Variants in GATA2 observed in about 807,000 individuals in gnomAD.
The protein encoded by GATA2 is endothelial transcription factor GATA-2.
GATA2 carries 6 observed loss-of-function variants against 35.7 expected under a neutral mutation model. The ratio of observed to expected loss-of-function variants is 0.17; its 90% CI spans 0.09 to 0.33. GATA2 has a LOEUF of 0.33. Among genes scored for constraint, GATA2 ranks in the 10% least tolerant of loss-of-function variants. The pLI is 1.00. For missense variants in GATA2, 541 were observed against 656.6 expected (o/e 0.82, Z 1.92); for synonymous variants, 313 against 274.9 (o/e 1.14, Z -1.37).
At position 128,479,646 on chromosome 3, in the gene GATA2, G is replaced by C. The variant is rs191422571; in HGVS notation, c.*1373C>G. 4.3e-6 allele frequency: 1 copy of C among 233,478 alleles called. No homozygotes were observed. The highest frequency in any genetic ancestry group is 5.6e-5 in the Admixed American group (1 of 17,786). 14.5% of individuals were successfully genotyped at this position (233,478 alleles called of 1,614,324 possible). ...AGTACAAAATAAGTTACTTCTGGCC[G>C]TGGTGCTCCCTGCAGCGACTGCCCG... On this transcript the variant is annotated 3_prime_UTR_variant, in exon 6 of 6. Coordinates refer to ENST00000341105, the MANE Select transcript of GATA2 (RefSeq NM_032638.5).
intron 5 of GATA2, 26 bp from the exon 6 acceptor site, chr3:128,481,344 G>T (rs751809653): frequency 1.9e-6 from 3 of 1,607,358 alleles, no homozygotes; most frequent in Admixed American, 3.3e-5. Context: ...AGTTTTCAGA[G>T]GGCCAGTTCC....
rs1426383629 is a variant in GATA2 at position 128,488,977 on chromosome 3, G to T, written c.-45-1901C>A. 2.0e-5 allele frequency among the ~76,000 whole-genome samples: 3 copies of T among 152,088 alleles called. No homozygotes were observed. The highest frequency in any genetic ancestry group is 4.4e-5 in the Non-Finnish European group (3 of 68,018). ...CCGAGTACTGGGGGGACTCAACAGC[G>T]TCCTCCAGCCCTCTTCCCTGTTGGG... On this transcript the variant is annotated intron_variant, in intron 1 of 5. Coordinates refer to ENST00000341105, the MANE Select transcript of GATA2 (RefSeq NM_032638.5). This position sits in a 1 kb window ranked among gnomAD's most constrained non-coding sequence, Gnocchi z 5.8.
chr3:128,481,451 T>C (rs562112146), intron 5 of GATA2, 133 bp from the exon 6 acceptor site: 62 of 996,944 alleles, frequency 6.2e-5, no homozygotes, highest in Admixed American at 9.2e-5. Flanking sequence ...CCGACCTTCA[T>C]AGTCCCATCA....
chr3:128,488,784 C>T lies in GATA2; in HGVS notation c.-45-1708G>A, dbSNP rs950602440. On this transcript the variant is annotated intron_variant, in intron 1 of 5. Transcript: ENST00000341105. This position sits in a 1 kb window ranked among gnomAD's most constrained non-coding sequence, Gnocchi z 5.8. The stretch of plus-strand genomic sequence containing the variant: ...CCGTCTTCTAAGTCACCTGGAAGTG[C>T]TCCCCACTCACTTCTAGCCCGGAGA... 6.6e-6 allele frequency among the ~76,000 whole-genome samples: 1 copy of T among 152,154 alleles called. No individual in the cohort carries two copies. The highest frequency in any genetic ancestry group is 2.1e-4 in the South Asian group (1 of 4,832).
chr3:128,483,808 C>T (rs1349273621), intron 4 of GATA2, 52 bp downstream of exon 4: 12 of 1,613,188 alleles, frequency 7.4e-6, no homozygotes, highest in Admixed American at 1.7e-5. Flanking sequence ...CTGTAATTAA[C>T]CGCCAGCTCC....
At position 128,479,844 on chromosome 3, in the gene GATA2, C is replaced by T. The variant is rs2068601534; in HGVS notation, c.*1175G>A. 4.3e-6 allele frequency: 1 copy of T among 233,088 alleles called. No individual in the cohort carries two copies. The highest frequency in any genetic ancestry group is 2.2e-5 in the African/African-American group (1 of 45,336). The allele number at this position is 233,088 out of a possible 1,614,324, so 14.4% of individuals were successfully genotyped here. ...AGCCACAGTAAAGCTGGACCTGAGA[C>T]CCCAGCAGGGACACAGCCTCTCCCT... On this transcript the variant is annotated 3_prime_UTR_variant, in exon 6 of 6. Transcript: ENST00000341105.
Position 128,480,896 on chromosome 3 carries a change from G to GA in GATA2, c.*122dup. 8.8e-7 allele frequency: 1 copy of GA among 1,138,794 alleles called. No individual in the cohort carries two copies. The highest frequency in any genetic ancestry group is 1.2e-6 in the Non-Finnish European group (1 of 817,764). The allele number at this position is 1,138,794 out of a possible 1,614,324, so 70.5% of individuals were successfully genotyped here. ...TGGCAGGCTGCTGGGCGCCCTCCAG[G>GA]AGAGGGGGTGCTGGGCCGAGCCGGG... On this transcript the variant is annotated 3_prime_UTR_variant, in exon 6 of 6. Transcript: ENST00000341105.
At chr3:128,489,436 G>A (rs943081796) in intron 1 of GATA2, 7 of 152,398 alleles carry the variant, frequency 4.6e-5, no homozygotes, top group African/African-American at 1.4e-4. Context: ...GGGCTGGGGG[G>A]CGCAGAGCTC....
rs777017660 is a variant in GATA2, at chr3:128,486,258, TGTG to T, written c.337_339del (p.His113del). ...GAGAAGGGGCTCACGGTCCAGGGGT[TGTG>T]GTGGTGGGCCGCAGCGGCAGAGAGG... is the stretch of plus-strand genomic sequence containing the variant. On this transcript the variant is annotated inframe_deletion, in exon 3 of 6. Coordinates refer to ENST00000341105, the MANE Select transcript of GATA2 (RefSeq NM_032638.5). The T allele has an allele frequency of 1.1e-5, 17 of 1,569,544 alleles. 1 individual carries two copies. The South Asian group carries it at 1.9e-4, about 17-fold the overall frequency.
chr3:128,491,218 C>CG (rs1559990069), intron 1 of GATA2, among the ~76,000 whole-genome samples: 1 of 128,028 alleles, frequency 7.8e-6, no homozygotes, highest in South Asian at 2.6e-4. Flanking sequence ...GCCCCCCCCC[C>CG]CCTCTGAGCC....
chr3:128,483,715 C>T (rs2068658942), intron 4 of GATA2, 145 bp downstream of exon 4: 2 of 1,153,134 alleles, frequency 1.7e-6, no homozygotes, highest in South Asian at 1.4e-5. Flanking sequence ...AGAGAGACGA[C>T]CCCAACTGAC....
chr3:128,491,399 A>T (rs2068766282), intron 1 of GATA2, among the ~76,000 whole-genome samples: 1 of 152,150 alleles, frequency 6.6e-6, no homozygotes, highest in Non-Finnish European at 1.5e-5. Context: ...TACCTTCCAT[A>T]GAGAAATTTA....
intron 2 of GATA2, 124 bp from the exon 3 acceptor site, chr3:128,486,492 A>T: frequency 8.0e-7 from 1 of 1,243,974 alleles, no homozygotes; most frequent in Non-Finnish European, 1.1e-6. Context: ...TCCCCAAAGA[A>T]AGCCAGAAAC....
intron 1 of GATA2, 56 bp from the exon 2 acceptor site, chr3:128,487,132 C>T: frequency 1.0e-6 from 1 of 1,000,618 alleles, no homozygotes; most frequent in African/African-American, 1.6e-5. Context: ...CCCCCAAAGT[C>T]CCACCACGAG....
chr3:128,485,079 G>A (rs2068677358), intron 3 of GATA2, among the ~76,000 whole-genome samples: 1 of 152,220 alleles, frequency 6.6e-6, no homozygotes, highest in Non-Finnish European at 1.5e-5. Flanking sequence ...CCAGCTGCGG[G>A]AAAAGGGGCG....
rs1330673412 is a variant in GATA2 at position 128,486,239 on chromosome 3, G to A, written c.359C>T (p.Pro120Leu). 2 of 1,563,544 alleles carry A rather than the reference G, an allele frequency of 1.3e-6. No homozygotes were observed. Among genetic ancestry groups the A allele is most frequent in the South Asian group, 1.2e-5 (1 of 85,306 alleles). ...AHHHNPWTVS[P>L]FSKTPLHPSA... Reference sequence around the variant, plus strand: ...GGGGTGCAGTGGCGTCTTGGAGAAGGGGCTCACGGTCCAGGGGTTGTGGTG... The same window carrying A: ...GGGGTGCAGTGGCGTCTTGGAGAAGAGGCTCACGGTCCAGGGGTTGTGGTG... Residue 120 changes from proline (P) to leucine (L), a missense_variant, in exon 3 of 6, where the codon CCC (proline) becomes CTC (leucine). Transcript: ENST00000341105.
rs756096688 is a variant in GATA2, at chr3:128,481,245, T to A, written c.1217A>T (p.Lys406Met). The A allele has an allele frequency of 3.7e-6, 6 of 1,614,116 alleles. No homozygotes were observed. Among genetic ancestry groups the A allele is most frequent in the Non-Finnish European group, 5.1e-6 (6 of 1,180,054 alleles). ...GAAGCACTCCGCCCCTTTCTTGCTC[T>A]TCTTGGACTTGTTGGACATCTTCCG... is the stretch of plus-strand genomic sequence containing the variant. ...RNRKMSNKSK[K>M]SKKGAECFEE... is the part of the protein sequence containing the mutation. Residue 406 changes from lysine (K) to methionine (M), a missense_variant, in exon 6 of 6, where the codon AAG (lysine) becomes ATG (methionine). Lys to Met is a moderately conservative substitution (Grantham distance 95). Transcript: ENST00000341105.
Position 128,486,264 on chromosome 3 carries a change from G to C in GATA2, c.334C>G (p.His112Asp). The part of the protein sequence containing the change: ...KAALSAAAAH[H>D]HNPWTVSPFS... The stretch of plus-strand genomic sequence containing the variant: ...GGGCTCACGGTCCAGGGGTTGTGGT[G>C]GTGGGCCGCAGCGGCAGAGAGGGCT... The change falls in exon 3 of 6, where the codon CAC becomes GAC. Residue 112 changes from histidine (H) to aspartate (D), a missense_variant. His to Asp is a moderately conservative substitution (Grantham distance 81). Transcript: ENST00000341105. 4 of 1,571,272 alleles carry C rather than the reference G, an allele frequency of 2.5e-6. No homozygotes were observed. Among genetic ancestry groups the C allele is most frequent in the Non-Finnish European group, 3.5e-6 (4 of 1,159,108 alleles).
chr3:128,491,562 C>T (rs2068767935), intron 1 of GATA2, among the ~76,000 whole-genome samples: 1 of 152,208 alleles, frequency 6.6e-6, no homozygotes, highest in Admixed American at 6.5e-5. Flanking sequence ...GGGGGGGTTC[C>T]CAAGGGGGGG....
Sources: allele counts gnomAD v4.1 joint callset (sites outside exome capture counted in the v4.1 genomes callset), GRCh38; gene constraint gnomAD v4.1.1; non-coding constraint Gnocchi (gnomAD v3.1); transcripts MANE v1.5; gene names NCBI Gene and HGNC (gene_info 2026-07-23, HGNC 2026-07-21).